The following HTR1D variants were observed in gnomAD, a reference collection of about 807,000 sequenced individuals.
HTR1D encodes 5-HT-1D.
A neutral mutation model predicts 21.1 loss-of-function variants in HTR1D; 18 were observed. The ratio of observed to expected loss-of-function variants is 0.85; its 90% CI spans 0.59 to 1.27. The LOEUF (loss-of-function observed/expected upper bound fraction) is 1.27. HTR1D is among the 50% of genes most tolerant of loss of function. HTR1D has a pLI of 0.00. For synonymous variants in HTR1D, 196 were observed against 204.4 expected (o/e 0.96, Z 0.35); for missense variants, 456 against 481.4 (o/e 0.95, Z 0.49).
At chr1:23,195,759 T>C (rs935437449) in intron 1 of HTR1D, among the ~76,000 whole-genome samples, 1 of 152,058 alleles carries the variant, frequency 6.6e-6, no homozygotes, top group Non-Finnish European at 1.5e-5. Flanking sequence ...TCAGACCTTG[T>C]CCTATGTACC....
chr1:23,196,559 G>C (rs1253421847), intron 1 of HTR1D, among the ~76,000 whole-genome samples: 1 of 151,804 alleles, frequency 6.6e-6, no homozygotes, highest in Non-Finnish European at 1.5e-5. Context: ...AGAGGGGAAA[G>C]CCTCAGTTTA....
intron 1 of HTR1D, among the ~76,000 whole-genome samples, chr1:23,211,912 C>T (rs1236649580): frequency 6.6e-6 from 1 of 152,148 alleles, no homozygotes; most frequent in African/African-American, 2.4e-5. Context: ...GATCTTCCTG[C>T]CTCAGCCTCC....
In HTR1D at chr1:23,205,379, A is replaced by G. The variant is rs112111475; in HGVS notation, c.-782-10378T>C. ...GTAACCAAATACCACCTGTACCCCAATAACCTATGGGAAAAAAAAGTACTC... is the reference window on the plus strand; with the variant it reads ...GTAACCAAATACCACCTGTACCCCAGTAACCTATGGGAAAAAAAAGTACTC... On this transcript the variant is annotated intron_variant, in intron 1 of 1. Coordinates refer to ENST00000374619, the MANE Select transcript of HTR1D (RefSeq NM_000864.5). Among the ~76,000 whole-genome samples the G allele has an allele frequency of 8.3e-3, 1,269 of 152,262 alleles. 14 individuals are homozygous for G. The highest frequency in any genetic ancestry group is 0.026 in the African/African-American group (1,081 of 41,536).
intron 1 of HTR1D, among the ~76,000 whole-genome samples, chr1:23,196,637 C>G (rs1443493001): frequency 6.6e-6 from 1 of 152,148 alleles, no homozygotes; most frequent in Non-Finnish European, 1.5e-5. Flanking sequence ...ATAACAATAT[C>G]TTTTGAAGAG....
In HTR1D at chr1:23,193,787, C is replaced by T; in HGVS notation, c.433G>A (p.Glu145Lys). The change falls in exon 2 of 2, where the codon GAA becomes AAA. Residue 145 changes from glutamate (E) to lysine (K), a missense_variant. Coordinates refer to ENST00000374619, the MANE Select transcript of HTR1D (RefSeq NM_000864.5). ...CCAGCCGTCCTGCGTTTACTGTATT[C>T]CAGGGCATCTGTGATTGCCCAGTAC... Reference protein sequence around the residue: ...DRYWAITDALEYSKRRTAGHA... With the variant: ...DRYWAITDALKYSKRRTAGHA... 6.2e-7 allele frequency: 1 copy of T among 1,614,104 alleles called. No individual in the cohort carries two copies. Among genetic ancestry groups the T allele is most frequent in the South Asian group, 1.1e-5 (1 of 91,074 alleles).
At chr1:23,197,980 A>G (rs1644695619) in intron 1 of HTR1D, among the ~76,000 whole-genome samples, 1 of 151,606 alleles carries the variant, frequency 6.6e-6, no homozygotes, top group Admixed American at 6.6e-5. Flanking sequence ...AGTTAATAAG[A>G]GTGTGGAGCT....
chr1:23,193,382 T>A lies in HTR1D; in HGVS notation c.838A>T (p.Lys280Ter), dbSNP rs1357381409. The change falls in exon 2 of 2, where the codon AAG becomes TAG. Residue 280 changes from lysine (K) to a stop codon, truncating the protein, a stop_gained. Transcript: ENST00000374619. LOFTEE classifies it high-confidence loss of function. ...SPLFFNHVKI[K>*]LADSALERKR... ...CGTTCCAGGGCACTGTCAGCAAGCT[T>A]GATTTTCACGTGGTTGAAAAAGAGA... 1 of 1,614,088 alleles carries A rather than the reference T, an allele frequency of 6.2e-7. No homozygotes were observed. Among genetic ancestry groups the A allele is most frequent in the Non-Finnish European group, 8.5e-7 (1 of 1,180,030 alleles).
At position 23,217,135 on chromosome 1, in the gene HTR1D, C is replaced by T. The variant is rs1299713916; in HGVS notation, c.-783+156G>A. 6.6e-6 allele frequency among the ~76,000 whole-genome samples: 1 copy of T among 151,840 alleles called. No individual in the cohort carries two copies. Among genetic ancestry groups the T allele is most frequent in the Non-Finnish European group, 1.5e-5 (1 of 67,884 alleles). On this transcript the variant is annotated intron_variant, in intron 1 of 1. Transcript: ENST00000374619. This position sits in a 1 kb window ranked among gnomAD's most constrained non-coding sequence, Gnocchi z 4.6. ...GTGGCCTCCCTCCGGCCGGGCAGGT[C>T]CTCCGGGACCCTCTCCCTGGCGCGC...
At chr1:23,212,036 C>T (rs1644755467) in intron 1 of HTR1D, among the ~76,000 whole-genome samples, 1 of 152,156 alleles carries the variant, frequency 6.6e-6, no homozygotes, top group Admixed American at 6.6e-5. Context: ...CTCTCATCCT[C>T]CTATTCACCT....
chr1:23,192,976 T>C lies in HTR1D; in HGVS notation c.*110A>G. ...ACAATTCTGTTGATTGAACCAAGAC[T>C]CAAGATACCATGAATTAATCCAAGT... On this transcript the variant is annotated 3_prime_UTR_variant, in exon 2 of 2. Transcript: ENST00000374619. 2 of 585,980 alleles carry C rather than the reference T, an allele frequency of 3.4e-6. No homozygotes were observed. Among genetic ancestry groups the C allele is most frequent in the South Asian group, 2.6e-5 (1 of 38,558 alleles). 36.3% of individuals were successfully genotyped at this position (585,980 alleles called of 1,614,324 possible). A position where few individuals can be genotyped will look rare whatever the true frequency, so the allele number is the denominator to read the frequency against.
intron 1 of HTR1D, among the ~76,000 whole-genome samples, chr1:23,195,857 C>T (rs1427601171): frequency 6.6e-6 from 1 of 152,082 alleles, no homozygotes; most frequent in Non-Finnish European, 1.5e-5. Flanking sequence ...GAGATAGGAT[C>T]TAGCTCTGTC....
intron 1 of HTR1D, among the ~76,000 whole-genome samples, chr1:23,213,837 T>C (rs949801772): frequency 4.6e-5 from 7 of 152,118 alleles, no homozygotes; most frequent in Non-Finnish European, 1.0e-4. Context: ...GGGATACAGG[T>C]GTGAGCCACG....
At chr1:23,206,281 C>T (rs923750123) in intron 1 of HTR1D, among the ~76,000 whole-genome samples, 3 of 152,134 alleles carry the variant, frequency 2.0e-5, no homozygotes, top group Admixed American at 2.0e-4. Context: ...CCACCCACCT[C>T]GGCCTCCCAA....
In HTR1D at chr1:23,194,389, G is replaced by A. The variant is rs933839481; in HGVS notation, c.-170C>T. ...ACCAGACTATTCTCTAAGTACAGTT[G>A]CAATAAAATAAAATTAAATAACAAT... On this transcript the variant is annotated 5_prime_UTR_variant, in exon 2 of 2. Coordinates refer to ENST00000374619, the MANE Select transcript of HTR1D (RefSeq NM_000864.5). The A allele has an allele frequency of 3.1e-5, 15 of 483,484 alleles. No homozygotes were observed. Among genetic ancestry groups the A allele is most frequent in the African/African-American group, 2.5e-4 (13 of 51,166 alleles). The allele number at this position is 483,484 out of a possible 1,614,324, so 29.9% of individuals were successfully genotyped here. A position where few individuals can be genotyped will look rare whatever the true frequency, so the allele number is the denominator to read the frequency against.
At position 23,217,132 on chromosome 1, in the gene HTR1D, G is replaced by C. The variant is rs1284134060; in HGVS notation, c.-783+159C>G. 6.6e-6 allele frequency among the ~76,000 whole-genome samples: 1 copy of C among 151,840 alleles called. No individual in the cohort carries two copies. Among genetic ancestry groups the C allele is most frequent in the African/African-American group, 2.4e-5 (1 of 41,400 alleles). ...CCGGTGGCCTCCCTCCGGCCGGGCA[G>C]GTCCTCCGGGACCCTCTCCCTGGCG... is the stretch of plus-strand genomic sequence containing the variant. On this transcript the variant is annotated intron_variant, in intron 1 of 1. Transcript: ENST00000374619. This position sits in a 1 kb window ranked among gnomAD's most constrained non-coding sequence, Gnocchi z 4.6.
chr1:23,200,010 A>G (rs1386180445), intron 1 of HTR1D, among the ~76,000 whole-genome samples: 3 of 152,156 alleles, frequency 2.0e-5, no homozygotes, highest in Admixed American at 1.3e-4. Flanking sequence ...TCGGTAGTAT[A>G]TGTAATTTTT....
intron 1 of HTR1D, among the ~76,000 whole-genome samples, chr1:23,199,556 A>G (rs1313783639): frequency 1.3e-5 from 2 of 148,952 alleles, no homozygotes; most frequent in Non-Finnish European, 3.0e-5. Flanking sequence ...TTGGCCTCCC[A>G]AAGTTGGGAT....
intron 1 of HTR1D, among the ~76,000 whole-genome samples, chr1:23,201,415 C>T (rs537734321): frequency 7.9e-5 from 12 of 152,186 alleles, no homozygotes; most frequent in Non-Finnish European, 1.6e-4. Context: ...ATACTCCTTC[C>T]CATCCCTGTA....
At chr1:23,196,305 G>A (rs180867050) in intron 1 of HTR1D, among the ~76,000 whole-genome samples, 6 of 152,140 alleles carry the variant, frequency 3.9e-5, no homozygotes, top group South Asian at 4.2e-4. Flanking sequence ...TTAGCCATGC[G>A]TGGTGGTGCA....
Sources: gnomAD v4.1 joint callset for allele counts (sites outside exome capture counted in the v4.1 genomes callset) on GRCh38, gnomAD v4.1.1 for gene constraint, Gnocchi (gnomAD v3.1) non-coding constraint, MANE v1.5 for transcripts, NCBI Gene and HGNC (gene_info 2026-07-23, HGNC 2026-07-21) for gene names.